The following PLXNA4 variants were observed in gnomAD, a reference collection of about 807,000 sequenced individuals.
PLXNA4 encodes plexin-A4.
PLXNA4 carries 44 observed loss-of-function variants against 191.8 expected under a neutral mutation model. That is an observed-to-expected ratio of 0.23 (90% CI 0.18 to 0.29). The LOEUF is 0.29. Among genes scored for constraint, PLXNA4 ranks in the 10% least tolerant of loss-of-function variants. The probability of loss-of-function intolerance (pLI) is 1.00; values close to 1 mark genes in which losing one functional copy is unlikely to be tolerated. For synonymous variants in PLXNA4, 1,082 were observed against 1,009.5 expected (o/e 1.07, Z -1.36); for missense variants, 1,800 against 2,488.8 (o/e 0.72, Z 5.89).
At chr7:132,373,080 G>A (rs79473196) in intron 3 of PLXNA4, among the ~76,000 whole-genome samples, 29 of 152,270 alleles carry the variant, frequency 1.9e-4, no homozygotes, top group Admixed American at 5.2e-4. Context: ...ATACTATGTC[G>A]TTGGTAAATA....
rs537625841 is a variant in PLXNA4 at position 132,318,935 on chromosome 7, G to A, written c.1372-20713C>T. On this transcript the variant is annotated intron_variant, in intron 3 of 31. Transcript: ENST00000321063. ...TCTCCTGCAGCCAGCAGGTGGCAGTGCTGCGACAGTCGGGTGACTCCAGTC... is the reference window on the plus strand; with the variant it reads ...TCTCCTGCAGCCAGCAGGTGGCAGTACTGCGACAGTCGGGTGACTCCAGTC... Among the ~76,000 whole-genome samples the A allele has an allele frequency of 1.8e-3, 270 of 152,266 alleles. 1 individual carries two copies. Among genetic ancestry groups the A allele is most frequent in the Non-Finnish European group, 3.2e-3 (220 of 68,022 alleles).
intron 4 of PLXNA4, among the ~76,000 whole-genome samples, chr7:132,283,879 C>T (rs573033629): frequency 6.6e-6 from 1 of 152,300 alleles, no homozygotes; most frequent in East Asian, 1.9e-4. Context: ...GTCAAGATAT[C>T]CACTTAACTC....
At chr7:132,292,852 C>T (rs994319164) in intron 4 of PLXNA4, among the ~76,000 whole-genome samples, 5 of 152,112 alleles carry the variant, frequency 3.3e-5, no homozygotes, top group African/African-American at 9.7e-5. Context: ...GGGTGGCCAG[C>T]GGAGGCCTCT....
intron 3 of PLXNA4, among the ~76,000 whole-genome samples, chr7:132,335,443 C>T (rs994376253): frequency 6.6e-6 from 1 of 152,180 alleles, no homozygotes; most frequent in Non-Finnish European, 1.5e-5. Flanking sequence ...TCCCACTGCC[C>T]CAAATCACTA....
chr7:132,203,691 G>C (rs1797519998), intron 10 of PLXNA4, among the ~76,000 whole-genome samples: 1 of 152,238 alleles, frequency 6.6e-6, no homozygotes, highest in South Asian at 2.1e-4. Context: ...TCAAGGAGCA[G>C]ATGGGAGCAA....
chr7:132,512,493 GC>G (rs1407653746), intron 1 of PLXNA4, among the ~76,000 whole-genome samples: 1 of 152,146 alleles, frequency 6.6e-6, no homozygotes, highest in African/African-American at 2.4e-5. Flanking sequence ...GAGGAGGGGG[GC>G]CCACAGAAAC....
At chr7:132,629,914 A>T (rs1803458352) in intron 2 of PLXNA4, among the ~76,000 whole-genome samples, 1 of 151,844 alleles carries the variant, frequency 6.6e-6, no homozygotes, top group Non-Finnish European at 1.5e-5. Flanking sequence ...CAGTGGCGCA[A>T]TCTCCGCTCA....
chr7:132,151,147 CT>C (rs987977712), intron 25 of PLXNA4, among the ~76,000 whole-genome samples: 7 of 151,366 alleles, frequency 4.6e-5, no homozygotes, highest in Admixed American at 4.6e-4. Context: ...TTGCTATGTG[CT>C]TTTTTTCTGA....
chr7:132,413,358 C>T (rs1229516764), intron 3 of PLXNA4, among the ~76,000 whole-genome samples: 1 of 152,196 alleles, frequency 6.6e-6, no homozygotes, highest in African/African-American at 2.4e-5. Context: ...CTGGAGTGAA[C>T]ACCAAAGTCC....
At chr7:132,248,664 C>G (rs752470493) in intron 4 of PLXNA4, among the ~76,000 whole-genome samples, 2 of 152,166 alleles carry the variant, frequency 1.3e-5, no homozygotes, top group African/African-American at 2.4e-5. Flanking sequence ...GTACCTCCCA[C>G]GCTGGCCATG....
At chr7:132,420,351 CA>C (rs781164590) in intron 3 of PLXNA4, among the ~76,000 whole-genome samples, 1 of 152,146 alleles carries the variant, frequency 6.6e-6, no homozygotes, top group Non-Finnish European at 1.5e-5. Context: ...GCTGCTGGTC[CA>C]GGGGACAGCA....
At chr7:132,324,368 T>C (rs1802282392) in intron 3 of PLXNA4, among the ~76,000 whole-genome samples, 2 of 152,240 alleles carry the variant, frequency 1.3e-5, no homozygotes. Flanking sequence ...GTAATCACTG[T>C]TTCAGTTCAT....
intron 3 of PLXNA4, among the ~76,000 whole-genome samples, chr7:132,473,257 C>A (rs916593551): frequency 1.3e-5 from 2 of 152,198 alleles, no homozygotes; most frequent in Non-Finnish European, 2.9e-5. Flanking sequence ...GTTGGTTTTT[C>A]TGGCTTCCTT....
chr7:132,331,518 T>A (rs1453877515), intron 3 of PLXNA4, among the ~76,000 whole-genome samples: 1 of 152,224 alleles, frequency 6.6e-6, no homozygotes, highest in Non-Finnish European at 1.5e-5. Context: ...CCAGGGAAGG[T>A]GACAGCATCT....
At chr7:132,248,252 C>T (rs1028970727) in intron 4 of PLXNA4, among the ~76,000 whole-genome samples, 1 of 152,226 alleles carries the variant, frequency 6.6e-6, no homozygotes, top group Non-Finnish European at 1.5e-5. Flanking sequence ...GCCCAAACCA[C>T]AGCCAGGAGA....
chr7:132,287,988 G>C (rs970368568), intron 4 of PLXNA4, among the ~76,000 whole-genome samples: 3 of 152,190 alleles, frequency 2.0e-5, no homozygotes, highest in African/African-American at 7.2e-5. Flanking sequence ...TGACACCCAA[G>C]AGTGGGGCGT....
chr7:132,194,075 A>G lies in PLXNA4; in HGVS notation c.2843T>C (p.Leu948Pro), dbSNP rs548914859. Residue 948 changes from leucine (L) to proline (P), a missense_variant, in exon 14 of 32, where the codon CTC becomes CCC. By Grantham distance (98) the Leu-to-Pro change is moderately conservative. This residue lies in a region of PLXNA4 where 1,397 missense variants were observed against 1,880.4 expected (regional missense o/e 0.74). Coordinates refer to ENST00000321063, the MANE Select transcript of PLXNA4 (RefSeq NM_020911.2). Reference sequence around the variant, plus strand: ...GCCAAGACTCACCATGAAGTAATAGAGCTGTGAGGACCGGGCCATGAATTC... The same window carrying G: ...GCCAAGACTCACCATGAAGTAATAGGGCTGTGAGGACCGGGCCATGAATTC... ...RPEFMARSSQ[L>P]YYFMTLTLSD... The G allele has an allele frequency of 5.0e-6, 8 of 1,613,884 alleles. No homozygotes were observed. Among genetic ancestry groups the G allele is most frequent in the Non-Finnish European group, 6.8e-6 (8 of 1,179,840 alleles).
At chr7:132,611,841 G>A (rs1307748242) in intron 2 of PLXNA4, among the ~76,000 whole-genome samples, 1 of 152,158 alleles carries the variant, frequency 6.6e-6, no homozygotes, top group Non-Finnish European at 1.5e-5. Flanking sequence ...AGCAACTAAA[G>A]TAACAGAAGT....
chr7:132,146,079 CAAAAA>C (rs67412588), intron 28 of PLXNA4, among the ~76,000 whole-genome samples: 1 of 48,920 alleles, frequency 2.0e-5, no homozygotes, highest in Non-Finnish European at 3.5e-5. Flanking sequence ...GACTCTGTCT[CAAAAA>C]AAAAAAAAAA....
Sources: allele counts gnomAD v4.1 joint callset (sites outside exome capture counted in the v4.1 genomes callset), GRCh38; gene constraint gnomAD v4.1.1; regional missense constraint gnomAD v4.1.1; transcripts MANE v1.5; gene names NCBI Gene and HGNC (gene_info 2026-07-23, HGNC 2026-07-21).